The following GRIP1 variants were observed in gnomAD, a reference collection of about 807,000 sequenced individuals.
The protein encoded by GRIP1 is glutamate receptor-interacting protein 1.
In GRIP1, 45 loss-of-function variants were observed where a neutral mutation model predicts 129.9. The observed-to-expected ratio is 0.35, with a 90% confidence interval of 0.27 to 0.44. GRIP1 has a LOEUF of 0.44. Ranked by LOEUF, GRIP1 falls within the 20% of genes least tolerant of loss-of-function variation. The probability of loss-of-function intolerance (pLI) is 1.00; values close to 1 mark genes in which losing one functional copy is unlikely to be tolerated. For synonymous variants in GRIP1, 530 were observed against 520.8 expected, an observed-to-expected ratio of 1.02 and a Z score of -0.24; for missense variants, 1,196 against 1,396.8, an observed-to-expected ratio of 0.86 and a Z score of 2.29.
At chr12:66,827,781 T>C (rs995607085) in intron 1 of GRIP1, among the ~76,000 whole-genome samples, 4 of 152,212 alleles carry the variant, frequency 2.6e-5, no homozygotes, top group Non-Finnish European at 4.4e-5. Flanking sequence ...ACTGGCTCTT[T>C]TGAGGTATCA....
intron 7 of GRIP1, among the ~76,000 whole-genome samples, chr12:66,474,303 A>T (rs907851046): frequency 6.6e-6 from 1 of 152,108 alleles, no homozygotes; most frequent in Non-Finnish European, 1.5e-5. Flanking sequence ...GAACAAACAA[A>T]GCCTCCAAGA....
rs986330936 is a variant in GRIP1, at chr12:66,726,585, C to T, written c.-420+77468G>A. ...TGTGATCTGGGGGCATGAACAATAC[C>T]TTTTTAAAAGGTTAAGCACCTATTT... is the stretch of plus-strand genomic sequence containing the variant. On this transcript the variant is annotated intron_variant, in intron 1 of 4. Transcript: ENST00000538373. Among the ~76,000 whole-genome samples, 28 of 152,084 alleles carry T rather than the reference C, an allele frequency of 1.8e-4. 1 individual carries two copies. Among genetic ancestry groups the T allele is most frequent in the African/African-American group, 2.4e-5 (1 of 41,414 alleles).
At chr12:66,804,347 A>G (rs538217465), upstream of GRIP1, among the ~76,000 whole-genome samples, 79 of 152,290 alleles carry the variant, frequency 5.2e-4, no homozygotes, top group African/African-American at 1.9e-3. Flanking sequence ...GACTTTGGCC[A>G]TCGGAGGGGA....
chr12:66,525,990 C>A (rs1394867018), intron 5 of GRIP1, among the ~76,000 whole-genome samples: 2 of 152,084 alleles, frequency 1.3e-5, no homozygotes, highest in African/African-American at 4.8e-5. Flanking sequence ...TGAAGGACCT[C>A]TTCAAGGAGA....
At chr12:66,713,833 T>C (rs2035786452) in intron 1 of GRIP1, among the ~76,000 whole-genome samples, 1 of 152,054 alleles carries the variant, frequency 6.6e-6, no homozygotes, top group Admixed American at 6.6e-5. Flanking sequence ...TTCACCTCAG[T>C]ATCTAATACC....
chr12:66,586,407 A>T (rs769390515), intron 2 of GRIP1, among the ~76,000 whole-genome samples: 2 of 152,108 alleles, frequency 1.3e-5, no homozygotes, highest in Admixed American at 6.5e-5. Flanking sequence ...CTTTGGCTGA[A>T]TCTTCCTTCA....
chr12:67,026,455 G>C (rs373644770), intron 1 of GRIP1, among the ~76,000 whole-genome samples: 11 of 152,232 alleles, frequency 7.2e-5, no homozygotes, highest in East Asian at 1.9e-4. Context: ...GTTAATAACC[G>C]TATCTCCTCC....
chr12:66,890,209 G>T (rs2040635057), intron 1 of GRIP1, among the ~76,000 whole-genome samples: 2 of 152,164 alleles, frequency 1.3e-5, no homozygotes, highest in African/African-American at 4.8e-5. Context: ...GATTACAGTT[G>T]TGAGCCACCA....
chr12:66,488,651 T>A (rs750848290), intron 7 of GRIP1, among the ~76,000 whole-genome samples: 48 of 151,862 alleles, frequency 3.2e-4, no homozygotes, highest in Non-Finnish European at 6.0e-4. Flanking sequence ...GATAGAGATG[T>A]GAAAATCCCT....
rs2063492890 is a variant in GRIP1 at position 66,583,587 on chromosome 12, A to C, written c.136+13260T>G. Among the ~76,000 whole-genome samples, 14 of 138,434 alleles carry C rather than the reference A, an allele frequency of 1.0e-4. No homozygotes were observed. The South Asian group carries it at 3.3e-3, about 32-fold the overall frequency. 90.8% of individuals were successfully genotyped at this position (138,434 alleles called of 152,430 possible). A position where few individuals can be genotyped will look rare whatever the true frequency, so the allele number is the denominator to read the frequency against. ...AAAAAAACAAACAACCCCATCAAAA[A>C]GTGGGCGAAGGACGTGAACAGACAC... On this transcript the variant is annotated intron_variant, in intron 2 of 24. Transcript: ENST00000359742.
intron 2 of GRIP1, among the ~76,000 whole-genome samples, chr12:66,572,551 C>G (rs1304445093): frequency 2.0e-5 from 3 of 152,072 alleles, no homozygotes; most frequent in Admixed American, 2.0e-4. Flanking sequence ...TGAAAAAAGA[C>G]AGCATGGAAA....
At chr12:66,652,761 AT>A (rs1219950499) in intron 1 of GRIP1, among the ~76,000 whole-genome samples, 28 of 152,312 alleles carry the variant, frequency 1.8e-4, no homozygotes, top group African/African-American at 6.5e-4. Flanking sequence ...ACCAAAGCTG[AT>A]TTCAATAACA....
chr12:66,930,055 C>CTT lies in GRIP1; in HGVS notation c.58+138993_58+138994dup, dbSNP rs202119349. 6.2e-3 allele frequency among the ~76,000 whole-genome samples: 799 copies of CTT among 128,748 alleles called. 9 individuals are homozygous for CTT. Among genetic ancestry groups the CTT allele is most frequent in the African/African-American group, 0.022 (750 of 34,712 alleles). 84.5% of individuals were successfully genotyped at this position (128,748 alleles called of 152,430 possible). ...TTACCCAGGTTCTCTCTCTCTCTCTCTTTTTTTTTTTTTTTACGTCAATGC... is the reference window on the plus strand; with the variant it reads ...TTACCCAGGTTCTCTCTCTCTCTCTCTTTTTTTTTTTTTTTTTACGTCAATGC... On this transcript the variant is annotated intron_variant, in intron 1 of 1. Transcript: ENST00000643019.
intron 1 of GRIP1, among the ~76,000 whole-genome samples, chr12:66,747,937 CAT>C (rs996755326): frequency 1.3e-4 from 20 of 151,940 alleles, no homozygotes; most frequent in African/African-American, 4.4e-4. Flanking sequence ...ATTATTTATG[CAT>C]ATATATAAAT....
chr12:66,963,134 A>AC (rs2041946473), intron 1 of GRIP1, among the ~76,000 whole-genome samples: 1 of 151,758 alleles, frequency 6.6e-6, no homozygotes, highest in African/African-American at 2.4e-5. Context: ...ACATGGTGGG[A>AC]CCCCACCTCC....
chr12:66,960,346 A>C (rs775867899), intron 1 of GRIP1, among the ~76,000 whole-genome samples: 54 of 152,298 alleles, frequency 3.5e-4, no homozygotes, highest in Non-Finnish European at 6.9e-4. Flanking sequence ...GTAGGGTTGG[A>C]ATGCAAAACC....
chr12:66,454,235 C>A (rs1018183332), intron 11 of GRIP1, among the ~76,000 whole-genome samples: 2 of 152,160 alleles, frequency 1.3e-5, no homozygotes, highest in African/African-American at 2.4e-5. Context: ...GGAGAGAGAT[C>A]CTCCTGGGGA....
chr12:66,961,075 T>A (rs1440708023), intron 1 of GRIP1, among the ~76,000 whole-genome samples: 1 of 152,096 alleles, frequency 6.6e-6, no homozygotes, highest in Non-Finnish European at 1.5e-5. Context: ...TGTTGAAAAA[T>A]AACAGGTTTA....
chr12:66,848,800 T>C (rs554662890), intron 1 of GRIP1, among the ~76,000 whole-genome samples: 2 of 152,250 alleles, frequency 1.3e-5, no homozygotes, highest in African/African-American at 2.4e-5. Context: ...AGTCAAATTA[T>C]GGGTATTCTG....
Sources: gnomAD v4.1 joint callset for allele counts (sites outside exome capture counted in the v4.1 genomes callset) on GRCh38, gnomAD v4.1.1 for gene constraint, MANE v1.5 for transcripts, NCBI Gene and HGNC (gene_info 2026-07-23, HGNC 2026-07-21) for gene names.